Variants in PRKD1 observed in about 807,000 individuals in gnomAD.
PRKD1 encodes serine/threonine-protein kinase D1.
A neutral mutation model predicts 95.9 loss-of-function variants in PRKD1; 63 were observed. The ratio of observed to expected loss-of-function variants is 0.66; its 90% CI spans 0.54 to 0.81. PRKD1 has a LOEUF of 0.81. Ranked by LOEUF, PRKD1 falls within the 30% of genes least tolerant of loss-of-function variation. The pLI is 0.00. For missense variants in PRKD1, 1,048 were observed against 1,165.3 expected, an observed-to-expected ratio of 0.90 and a Z score of 1.47; for synonymous variants, 425 against 423.1, an observed-to-expected ratio of 1.00 and a Z score of -0.05.
chr14:29,877,128 G>A (rs997603989), intron 1 of PRKD1, among the ~76,000 whole-genome samples: 1 of 152,098 alleles, frequency 6.6e-6, no homozygotes, highest in African/African-American at 2.4e-5. Flanking sequence ...CTCCAGCCTG[G>A]GCCAGAGAGC....
chr14:29,633,738 G>C (rs1302614854), intron 8 of PRKD1, among the ~76,000 whole-genome samples: 2 of 152,282 alleles, frequency 1.3e-5, no homozygotes, highest in Admixed American at 1.3e-4. Flanking sequence ...ATTCAATTGA[G>C]TCCTATAATA....
At chr14:29,666,388 C>T (rs886344515) in intron 2 of PRKD1, among the ~76,000 whole-genome samples, 180 bp from the exon 3 acceptor site, 7 of 151,948 alleles carry the variant, frequency 4.6e-5, no homozygotes, top group Non-Finnish European at 8.8e-5. Context: ...CATAGTTTTA[C>T]AGTTGGTGGC....
At chr14:29,773,147 T>C (rs1888583263) in intron 1 of PRKD1, among the ~76,000 whole-genome samples, 1 of 152,166 alleles carries the variant, frequency 6.6e-6, no homozygotes, top group African/African-American at 2.4e-5. Flanking sequence ...ACAACGCTTT[T>C]ATACATAACT....
At chr14:29,817,278 G>A (rs1318839120) in intron 1 of PRKD1, among the ~76,000 whole-genome samples, 1 of 152,062 alleles carries the variant, frequency 6.6e-6, no homozygotes, top group Non-Finnish European at 1.5e-5. Flanking sequence ...TTTTAATAAT[G>A]CCTTCTCCCA....
At chr14:29,678,119 T>G (rs764304403) in intron 2 of PRKD1, among the ~76,000 whole-genome samples, 6 of 152,342 alleles carry the variant, frequency 3.9e-5, no homozygotes, top group Non-Finnish European at 8.8e-5. Flanking sequence ...TTTTATATTA[T>G]TCTTTCGTAA....
intron 2 of PRKD1, among the ~76,000 whole-genome samples, chr14:29,705,567 GCTATCTGATTC>G (rs1885044618): frequency 6.6e-6 from 1 of 151,702 alleles, no homozygotes; most frequent in Non-Finnish European, 1.5e-5. Context: ...AACCATCGCT[GCTATCTGATTC>G]CAAAATATTT....
At chr14:29,783,219 C>G (rs572019705) in intron 1 of PRKD1, among the ~76,000 whole-genome samples, 13 of 152,060 alleles carry the variant, frequency 8.5e-5, no homozygotes, top group Admixed American at 5.2e-4. Flanking sequence ...ATCAAATTTT[C>G]TAGCTTCCAC....
At chr14:29,675,735 T>C (rs1370590896) in intron 2 of PRKD1, among the ~76,000 whole-genome samples, 2 of 151,916 alleles carry the variant, frequency 1.3e-5, no homozygotes, top group African/African-American at 4.8e-5. Flanking sequence ...AACCCAAATG[T>C]CCATCAATGA....
intron 9 of PRKD1, among the ~76,000 whole-genome samples, chr14:29,631,549 G>C (rs1248437199): frequency 6.6e-6 from 1 of 151,198 alleles, no homozygotes; most frequent in African/African-American, 2.4e-5. Flanking sequence ...ACCTACGCTG[G>C]AGTGCAGTGG....
Position 29,807,240 on chromosome 14 carries a change from T to G in PRKD1, c.265-81566A>C, listed in dbSNP as rs565574020. Among the ~76,000 whole-genome samples, 18 of 152,084 alleles carry G rather than the reference T, an allele frequency of 1.2e-4. 1 individual carries two copies. The Middle Eastern group carries it at 0.01, about 86-fold the overall frequency. ...CACTGGCTCACTGCTCAACTCCTAT[T>G]GTGTCTATGGTTTGAGGTTTGGGGA... On this transcript the variant is annotated intron_variant, in intron 1 of 17. Transcript: ENST00000331968.
chr14:29,776,613 G>A (rs1888768980), intron 1 of PRKD1, among the ~76,000 whole-genome samples: 1 of 152,142 alleles, frequency 6.6e-6, no homozygotes, highest in South Asian at 2.1e-4. Context: ...TAAAAGAAAT[G>A]AATAAAGCGT....
At chr14:29,729,956 C>T (rs571364215) in intron 1 of PRKD1, among the ~76,000 whole-genome samples, 1 of 152,138 alleles carries the variant, frequency 6.6e-6, no homozygotes, top group South Asian at 2.1e-4. Flanking sequence ...GTGGAGACAA[C>T]TCCATGACAT....
intron 2 of PRKD1, among the ~76,000 whole-genome samples, chr14:29,707,142 T>C (rs1594446363): frequency 6.6e-6 from 1 of 152,134 alleles, no homozygotes; most frequent in South Asian, 2.1e-4. Flanking sequence ...TCACAAACAA[T>C]TTCATAAATA....
intron 1 of PRKD1, among the ~76,000 whole-genome samples, chr14:29,841,301 CA>C (rs1417345632): frequency 6.6e-6 from 1 of 152,072 alleles, no homozygotes; most frequent in Non-Finnish European, 1.5e-5. Context: ...GTTGGGAAGG[CA>C]TGATTGGTTT....
At chr14:29,878,108 T>G (rs1277094026) in intron 1 of PRKD1, among the ~76,000 whole-genome samples, 1 of 151,970 alleles carries the variant, frequency 6.6e-6, no homozygotes, top group Admixed American at 6.6e-5. Flanking sequence ...TGAGAACACA[T>G]GGACACAAAC....
chr14:29,758,253 G>A (rs1212930929), intron 1 of PRKD1, among the ~76,000 whole-genome samples: 1 of 152,004 alleles, frequency 6.6e-6, no homozygotes. Context: ...GAGGGAAGTG[G>A]TAACCACAGA....
intron 1 of PRKD1, among the ~76,000 whole-genome samples, chr14:29,832,422 A>G (rs1430760288): frequency 6.6e-6 from 1 of 152,110 alleles, no homozygotes; most frequent in East Asian, 1.9e-4. Context: ...TTGATTTATA[A>G]GACTTTTCTG....
At position 29,774,753 on chromosome 14, in the gene PRKD1, T is replaced by G. The variant is rs115072517; in HGVS notation, c.265-49079A>C. ...TATGCTTTGGGGAAATGAAGTACCT[T>G]ATTCATGGTCACACAATCTAATATG... is the stretch of plus-strand genomic sequence containing the variant. On this transcript the variant is annotated intron_variant, in intron 1 of 17. Transcript: ENST00000331968. Among the ~76,000 whole-genome samples, 841 of 152,326 alleles carry G rather than the reference T, an allele frequency of 5.5e-3. 8 individuals are homozygous for G. Among genetic ancestry groups the G allele is most frequent in the African/African-American group, 0.02 (817 of 41,574 alleles).
chr14:29,819,960 T>C (rs907481555), intron 1 of PRKD1, among the ~76,000 whole-genome samples: 3 of 152,188 alleles, frequency 2.0e-5, no homozygotes, highest in South Asian at 4.1e-4. Context: ...GGTATTGATA[T>C]TACTTTGTAG....
Sources: gnomAD v4.1 joint callset for allele counts (sites outside exome capture counted in the v4.1 genomes callset) on GRCh38, gnomAD v4.1.1 for gene constraint, MANE v1.5 for transcripts, NCBI Gene and HGNC (gene_info 2026-07-23, HGNC 2026-07-21) for gene names.